ZNF521: variants seen among roughly 807,000 people sequenced by gnomAD.
The protein encoded by ZNF521 is LYST-interacting protein 3.
Under a neutral mutation model 105.5 loss-of-function variants are expected in ZNF521, and 14 were observed. The observed-to-expected ratio is 0.13, with a 90% confidence interval of 0.09 to 0.21. The LOEUF (loss-of-function observed/expected upper bound fraction) is 0.21. Among genes scored for constraint, ZNF521 ranks in the 10% least tolerant of loss-of-function variants. The probability of loss-of-function intolerance (pLI) is 1.00; values close to 1 mark genes in which losing one functional copy is unlikely to be tolerated. For synonymous variants in ZNF521, 635 were observed against 606.0 expected (o/e 1.05, Z -0.70); for missense variants, 1,233 against 1,629.7 (o/e 0.76, Z 4.19).
rs2034673365 is a variant in ZNF521 at position 25,133,252 on chromosome 18, C to A, written c.3659-41171G>T. On this transcript the variant is annotated intron_variant, in intron 5 of 7. Transcript: ENST00000361524. Reference sequence around the variant, plus strand: ...GTATTAACATGGCCTAATATAGATTCTACGTGCATTTGTGGTTAAGAGTCA... The same window carrying A: ...GTATTAACATGGCCTAATATAGATTATACGTGCATTTGTGGTTAAGAGTCA... Among the ~76,000 whole-genome samples, 4 of 152,262 alleles carry A rather than the reference C, an allele frequency of 2.6e-5. No individual in the cohort carries two copies. The South Asian group carries it at 8.3e-4, about 32-fold the overall frequency.
intron 6 of ZNF521, among the ~76,000 whole-genome samples, chr18:25,090,701 C>T (rs145426503): frequency 6.6e-6 from 1 of 152,126 alleles, no homozygotes; most frequent in Non-Finnish European, 1.5e-5. Context: ...TAACTCAGTA[C>T]ATTTTATGAG....
chr18:25,342,971 A>G (rs1315166437), intron 2 of ZNF521, among the ~76,000 whole-genome samples: 2 of 152,246 alleles, frequency 1.3e-5, no homozygotes, highest in African/African-American at 4.8e-5. Flanking sequence ...TGAAGTCAAT[A>G]TAAAGTTTAA....
intron 5 of ZNF521, among the ~76,000 whole-genome samples, chr18:25,092,333 T>A (rs977551548): frequency 3.3e-5 from 5 of 152,240 alleles, no homozygotes; most frequent in African/African-American, 1.2e-4. Flanking sequence ...ATTACACTTT[T>A]AAAATATAAT....
chr18:25,124,882 T>C (rs1441306217), intron 5 of ZNF521, among the ~76,000 whole-genome samples: 1 of 152,222 alleles, frequency 6.6e-6, no homozygotes, highest in Admixed American at 6.5e-5. Flanking sequence ...TTGAGCTATA[T>C]AAATCCAAGC....
At chr18:25,273,175 C>T (rs1252907653) in intron 3 of ZNF521, among the ~76,000 whole-genome samples, 5 of 125,898 alleles carry the variant, frequency 4.0e-5, no homozygotes, top group African/African-American at 1.2e-4. Flanking sequence ...TGCAGTGAGC[C>T]GAGATCGCTC....
chr18:25,152,814 T>C (rs115011046), intron 5 of ZNF521, among the ~76,000 whole-genome samples: 2,342 of 152,268 alleles, frequency 0.015, 67 homozygotes, highest in African/African-American at 0.054. Flanking sequence ...TTCCGTGTTG[T>C]CTTCTATTTT....
chr18:25,295,089 T>C (rs1911252743), intron 3 of ZNF521, among the ~76,000 whole-genome samples: 1 of 152,086 alleles, frequency 6.6e-6, no homozygotes, highest in East Asian at 1.9e-4. Context: ...CGTCCTCAAG[T>C]GTCCCTCCTC....
At chr18:25,273,635 A>G (rs138230230) in intron 3 of ZNF521, 63 of 152,340 alleles carry the variant, frequency 4.1e-4, no homozygotes, top group African/African-American at 1.4e-3. Context: ...AATCAGATTA[A>G]TAAAAGGGTA....
chr18:25,086,905 C>T (rs1241949893), intron 7 of ZNF521, among the ~76,000 whole-genome samples: 1 of 152,016 alleles, frequency 6.6e-6, no homozygotes, highest in Non-Finnish European at 1.5e-5. Flanking sequence ...AAAGGGTGGC[C>T]CAGGGACTTC....
At chr18:25,297,978 C>T (rs946485601) in intron 3 of ZNF521, among the ~76,000 whole-genome samples, 1 of 152,106 alleles carries the variant, frequency 6.6e-6, no homozygotes, top group African/African-American at 2.4e-5. Flanking sequence ...ATTCATCAAA[C>T]ATTTACTGGG....
intron 5 of ZNF521, among the ~76,000 whole-genome samples, chr18:25,177,418 G>A (rs1224667938): frequency 6.6e-6 from 1 of 152,124 alleles, no homozygotes; most frequent in Non-Finnish European, 1.5e-5. Context: ...AAGAAAACTT[G>A]AGTAGGAAAA....
intron 7 of ZNF521, among the ~76,000 whole-genome samples, chr18:25,089,051 TC>T (rs1290204357): frequency 6.6e-6 from 1 of 152,138 alleles, no homozygotes; most frequent in Non-Finnish European, 1.5e-5. Context: ...TTTCTTTTCT[TC>T]CCCTCTCCCT....
intron 5 of ZNF521, among the ~76,000 whole-genome samples, chr18:25,186,490 G>A (rs1434802915): frequency 6.6e-6 from 1 of 152,314 alleles, no homozygotes; most frequent in South Asian, 2.1e-4. Flanking sequence ...ACAGCCATCT[G>A]ATGACGGCTT....
At chr18:25,188,754 C>T (rs996000730) in intron 5 of ZNF521, among the ~76,000 whole-genome samples, 4 of 152,164 alleles carry the variant, frequency 2.6e-5, no homozygotes, top group Non-Finnish European at 4.4e-5. Flanking sequence ...CTCTTCCTAG[C>T]GTCTCTGTGC....
chr18:25,213,063 C>G (rs1156570106), intron 4 of ZNF521, among the ~76,000 whole-genome samples: 2 of 151,114 alleles, frequency 1.3e-5, no homozygotes, highest in Non-Finnish European at 3.0e-5. Context: ...TTTATCTTAG[C>G]TTACAGGCTA....
intron 7 of ZNF521, among the ~76,000 whole-genome samples, chr18:25,064,944 T>C (rs1442083031): frequency 6.6e-6 from 1 of 152,236 alleles, no homozygotes; most frequent in Non-Finnish European, 1.5e-5. Context: ...CCAGCTCTTT[T>C]ATCTGTATAT....
At chr18:25,208,114 G>GAAT (rs1253177170) in intron 4 of ZNF521, among the ~76,000 whole-genome samples, 12 of 152,188 alleles carry the variant, frequency 7.9e-5, no homozygotes, top group African/African-American at 2.9e-4. Flanking sequence ...TATCACTGTT[G>GAAT]AATAGCCTTA....
At chr18:25,230,122 A>G (rs931930638) in intron 3 of ZNF521, among the ~76,000 whole-genome samples, 2 of 152,328 alleles carry the variant, frequency 1.3e-5, no homozygotes, top group African/African-American at 2.4e-5. Context: ...AGGATTCAAG[A>G]GAGCAGAAAC....
chr18:25,148,293 T>A (rs545877515), intron 5 of ZNF521, among the ~76,000 whole-genome samples: 5 of 152,280 alleles, frequency 3.3e-5, no homozygotes, highest in African/African-American at 1.2e-4. Flanking sequence ...ATGCCATTCT[T>A]AGTTATCCTG....
Sources: gnomAD v4.1 joint callset for allele counts (sites outside exome capture counted in the v4.1 genomes callset) on GRCh38, gnomAD v4.1.1 for gene constraint, MANE v1.5 for transcripts, NCBI Gene and HGNC (gene_info 2026-07-23, HGNC 2026-07-21) for gene names.